Variants in PRKAA2 observed in about 807,000 individuals in gnomAD.
PRKAA2 encodes 5'-AMP-activated protein kinase catalytic subunit alpha-2.
PRKAA2 carries 40 observed loss-of-function variants against 56.3 expected under a neutral mutation model. The ratio of observed to expected loss-of-function variants is 0.71; its 90% confidence interval spans 0.55 to 0.92. PRKAA2 has a LOEUF of 0.92. Ranked by LOEUF, PRKAA2 falls within the 40% of genes least tolerant of loss-of-function variation. The pLI, the probability that PRKAA2 is intolerant of heterozygous loss-of-function variation, is 0.00. For missense variants in PRKAA2, 542 were observed against 686.9 expected (o/e 0.79, Z 2.36); for synonymous variants, 214 against 234.2 (o/e 0.91, Z 0.79).
Position 56,704,104 on chromosome 1 carries a change from A to G in PRKAA2, c.922A>G (p.Met308Val). Residue 308 changes from methionine to valine, a missense_variant, in exon 7 of 9, where the codon ATG becomes GTG. By Grantham distance (21) the Met-to-Val change is conservative (BLOSUM62 1). Coordinates refer to ENST00000371244, the MANE Select transcript of PRKAA2 (RefSeq NM_006252.4). Reference protein sequence around the residue: ...EKFECTESEVMNSLYSGDPQD... With the variant: ...EKFECTESEVVNSLYSGDPQD... The stretch of plus-strand genomic sequence containing the variant: ...ATTTGAATGTACAGAATCAGAAGTA[A>G]TGAACAGTTTATATAGTGGTGACCC... The G allele has an allele frequency of 6.2e-7, 1 of 1,614,188 alleles. No homozygotes were observed. Among genetic ancestry groups the G allele is most frequent in the Non-Finnish European group, 8.5e-7 (1 of 1,180,014 alleles).
Position 56,710,414 on chromosome 1 carries a change from A to T in PRKAA2, c.*2701A>T, listed in dbSNP as rs1644362159. 1 of 152,142 alleles carries T rather than the reference A, an allele frequency of 6.6e-6. No individual in the cohort carries two copies. Among genetic ancestry groups the T allele is most frequent in the Non-Finnish European group, 1.5e-5 (1 of 67,982 alleles). 9.4% of individuals were successfully genotyped at this position (152,142 alleles called of 1,614,324 possible). On this transcript the variant is annotated 3_prime_UTR_variant, in exon 9 of 9. Coordinates refer to ENST00000371244, the MANE Select transcript of PRKAA2 (RefSeq NM_006252.4). ...TTTGACAGGTCTTTCTGTGAAAAAA[A>T]GAAAGCCACATAACTTTGTTGAACT...
At position 56,714,584 on chromosome 1, in the gene PRKAA2, C is replaced by T. The variant is rs1052370676; in HGVS notation, c.*6871C>T. 5 of 152,124 alleles carry T rather than the reference C, an allele frequency of 3.3e-5. No individual in the cohort carries two copies. The highest frequency in any genetic ancestry group is 1.2e-4 in the African/African-American group (5 of 41,442). 9.4% of individuals were successfully genotyped at this position (152,124 alleles called of 1,614,324 possible). On this transcript the variant is annotated 3_prime_UTR_variant, in exon 9 of 9. Transcript: ENST00000371244. ...CTGTGTTGTAACAAATATTCAGAAT[C>T]TCTTAAAATGTTGGCTGAAGCTGCC... is the stretch of plus-strand genomic sequence containing the variant.
chr1:56,658,565 A>ATGT (rs1643964401), intron 1 of PRKAA2, among the ~76,000 whole-genome samples: 1 of 140,736 alleles, frequency 7.1e-6, no homozygotes, highest in Admixed American at 7.7e-5. Flanking sequence ...ATAATGGTAA[A>ATGT]TGTTGTTGTT....
intron 1 of PRKAA2, among the ~76,000 whole-genome samples, chr1:56,651,996 C>T (rs1454642930): frequency 6.7e-6 from 1 of 150,248 alleles, no homozygotes; most frequent in Non-Finnish European, 1.5e-5. Flanking sequence ...CGCCTGCCAC[C>T]ACGCCTGGCT....
intron 2 of PRKAA2, among the ~76,000 whole-genome samples, chr1:56,678,857 A>G (rs1644133254): frequency 6.6e-6 from 1 of 151,882 alleles, no homozygotes; most frequent in South Asian, 2.1e-4. Flanking sequence ...CACCACACCC[A>G]GCTAATTTTT....
chr1:56,694,089 C>A (rs1291326800), intron 5 of PRKAA2, among the ~76,000 whole-genome samples: 1 of 151,996 alleles, frequency 6.6e-6, no homozygotes, highest in East Asian at 1.9e-4. Context: ...TGAAGTAGAT[C>A]CTGATTTAAC....
At chr1:56,695,166 CTA>C (rs1027140105) in intron 5 of PRKAA2, among the ~76,000 whole-genome samples, 33 of 142,658 alleles carry the variant, frequency 2.3e-4, no homozygotes, top group African/African-American at 7.6e-4. Context: ...ATCTCTCTCT[CTA>C]TATATATGAT....
At chr1:56,692,251 CA>C (rs1252207800) in intron 3 of PRKAA2, 106 bp from the exon 4 acceptor site, 2 of 1,366,972 alleles carry the variant, frequency 1.5e-6, no homozygotes, top group Non-Finnish European at 2.0e-6. Context: ...AGGCTGGTCT[CA>C]AACTCCTGAC....
At chr1:56,684,641 T>G (rs1321601862) in intron 2 of PRKAA2, among the ~76,000 whole-genome samples, 1 of 151,996 alleles carries the variant, frequency 6.6e-6, no homozygotes, top group Non-Finnish European at 1.5e-5. Context: ...CTTTTACTGG[T>G]GAATATTGAG....
At chr1:56,658,373 G>C (rs568051426) in intron 1 of PRKAA2, among the ~76,000 whole-genome samples, 1 of 152,272 alleles carries the variant, frequency 6.6e-6, no homozygotes, top group African/African-American at 2.4e-5. Flanking sequence ...TGTGGAATAA[G>C]AGAGACAAAA....
At chr1:56,668,689 G>A (rs1223048215) in intron 1 of PRKAA2, among the ~76,000 whole-genome samples, 1 of 152,044 alleles carries the variant, frequency 6.6e-6, no homozygotes, top group Non-Finnish European at 1.5e-5. Context: ...TATTAAAATA[G>A]AATGAGGATG....
At chr1:56,695,861 A>G (rs1409724363) in intron 5 of PRKAA2, 74 bp from the exon 6 acceptor site, 11 of 1,230,172 alleles carry the variant, frequency 8.9e-6, no homozygotes, top group Non-Finnish European at 1.3e-5. Flanking sequence ...TAGACTACCT[A>G]TATATAGAAG....
chr1:56,660,682 G>A lies in PRKAA2; in HGVS notation c.95-13699G>A, dbSNP rs541588868. Among the ~76,000 whole-genome samples, 4 of 152,168 alleles carry A rather than the reference G, an allele frequency of 2.6e-5. No individual in the cohort carries two copies. The South Asian group carries it at 6.2e-4, about 24-fold the overall frequency. ...TGATTATTGAAGGGTAAAATTATGT[G>A]AATTTTGAGCTTGGGCGTTAGAGGC... On this transcript the variant is annotated intron_variant, in intron 1 of 8. Coordinates refer to ENST00000371244, the MANE Select transcript of PRKAA2 (RefSeq NM_006252.4).
At chr1:56,646,902 G>GA (rs1445991583) in intron 1 of PRKAA2, among the ~76,000 whole-genome samples, 2 of 152,118 alleles carry the variant, frequency 1.3e-5, no homozygotes, top group African/African-American at 4.8e-5. Flanking sequence ...ATACAGCAAG[G>GA]AAAAAACAGA....
chr1:56,672,001 G>A (rs1176781857), intron 1 of PRKAA2, among the ~76,000 whole-genome samples: 2 of 152,172 alleles, frequency 1.3e-5, no homozygotes, highest in Non-Finnish European at 2.9e-5. Flanking sequence ...ATATTTAGGA[G>A]ATTATATCAG....
At chr1:56,686,212 G>A (rs907741135) in intron 2 of PRKAA2, among the ~76,000 whole-genome samples, 8 of 152,172 alleles carry the variant, frequency 5.3e-5, no homozygotes, top group Non-Finnish European at 8.8e-5. Flanking sequence ...CATTTTCTAC[G>A]AAGAAATGTA....
intron 2 of PRKAA2, among the ~76,000 whole-genome samples, chr1:56,683,474 G>C (rs1365992936): frequency 1.3e-5 from 2 of 151,980 alleles, no homozygotes; most frequent in African/African-American, 4.8e-5. Flanking sequence ...ATAGGGAAGT[G>C]GAAAAATAAA....
At chr1:56,682,957 A>T (rs1188594096) in intron 2 of PRKAA2, among the ~76,000 whole-genome samples, 1 of 152,122 alleles carries the variant, frequency 6.6e-6, no homozygotes, top group Non-Finnish European at 1.5e-5. Flanking sequence ...CGTTGTAGGA[A>T]GTTCTGTTCA....
Position 56,692,307 on chromosome 1 carries a change from A to G in PRKAA2, c.331-51A>G, listed in dbSNP as rs375171581. On this transcript the variant is annotated intron_variant, in intron 3 of 8. Coordinates refer to ENST00000371244, the MANE Select transcript of PRKAA2 (RefSeq NM_006252.4). ...TTGGCTGGGATTACAGGCATGAGCC[A>G]CTGTGCCCAGCCCCAGATATTCTTA... is the stretch of plus-strand genomic sequence containing the variant. 14 of 1,608,492 alleles carry G rather than the reference A, an allele frequency of 8.7e-6. No homozygotes were observed. The African/African-American group carries it at 1.7e-4, about 20-fold the overall frequency.
Sources: allele counts gnomAD v4.1 joint callset (sites outside exome capture counted in the v4.1 genomes callset), GRCh38; gene constraint gnomAD v4.1.1; transcripts MANE v1.5; gene names NCBI Gene and HGNC (gene_info 2026-07-23, HGNC 2026-07-21).